RSU1: variants seen among roughly 807,000 people sequenced by gnomAD.
RSU1 encodes Ras suppressor protein 1.
Under a neutral mutation model 31.1 loss-of-function variants are expected in RSU1, and 26 were observed. That is an observed-to-expected ratio of 0.84 (90% CI 0.61 to 1.16). The LOEUF is 1.16. Among genes scored for constraint, RSU1 ranks in the 50% most tolerant of loss-of-function variants. RSU1 has a pLI of 0.00. For synonymous variants in RSU1, 164 were observed against 136.3 expected, an observed-to-expected ratio of 1.20 and a Z score of -1.41; for missense variants, 320 against 339.1, an observed-to-expected ratio of 0.94 and a Z score of 0.44.
At position 16,645,922 on chromosome 10, in the gene RSU1, GTATATACACATATGTGTATATATA is replaced by G. The variant is rs1834543204; in HGVS notation, c.731+49077_731+49100del. 6.9e-4 allele frequency among the ~76,000 whole-genome samples: 12 copies of G among 17,308 alleles called. 5 individuals are homozygous for G. The South Asian group carries it at 0.01, about 15-fold the overall frequency. 11.4% of individuals were successfully genotyped at this position (17,308 alleles called of 152,430 possible). On this transcript the variant is annotated intron_variant, in intron 8 of 8. Coordinates refer to ENST00000345264, the MANE Select transcript of RSU1 (RefSeq NM_012425.4). ...TATACACATATATGTATATATATGT[GTATATACACATATGTGTATATATA>G]TGTGTATATACATATATGTGTATAT...
At chr10:16,668,891 C>T (rs1409745104) in intron 8 of RSU1, among the ~76,000 whole-genome samples, 1 of 152,162 alleles carries the variant, frequency 6.6e-6, no homozygotes, top group African/African-American at 2.4e-5. Flanking sequence ...CCTCAGAAAG[C>T]CTGTTGTGTA....
At chr10:16,792,554 G>A (rs548773499) in intron 2 of RSU1, among the ~76,000 whole-genome samples, 3 of 152,156 alleles carry the variant, frequency 2.0e-5, no homozygotes, top group Admixed American at 2.0e-4. Flanking sequence ...ACCTCTTGTG[G>A]TTTCAAATGT....
At chr10:16,594,683 CTGTATATTATA>C (rs1303555760) in intron 8 of RSU1, among the ~76,000 whole-genome samples, 1 of 141,768 alleles carries the variant, frequency 7.1e-6, no homozygotes, top group Non-Finnish European at 1.5e-5. Flanking sequence ...CATATATTAT[CTGTATATTATA>C]TGTATCATAG....
chr10:16,817,226 T>C (rs1474746394), intron 1 of RSU1, 89 bp downstream of exon 1: 1 of 637,284 alleles, frequency 1.6e-6, no homozygotes, highest in African/African-American at 1.8e-5. Flanking sequence ...CTGGTCCGGG[T>C]GCGGGGAGGG....
chr10:16,618,014 A>G (rs1257071698), intron 8 of RSU1, among the ~76,000 whole-genome samples: 1 of 152,266 alleles, frequency 6.6e-6, no homozygotes, highest in African/African-American at 2.4e-5. Flanking sequence ...GCTTCTGCAC[A>G]GCAAAAGAAA....
chr10:16,640,668 T>C (rs779312443), intron 8 of RSU1, among the ~76,000 whole-genome samples: 6 of 152,252 alleles, frequency 3.9e-5, no homozygotes, highest in Non-Finnish European at 5.9e-5. Flanking sequence ...TGCTTTTCTC[T>C]GCTGGGAATG....
At position 16,652,867 on chromosome 10, in the gene RSU1, TG is replaced by T. The variant is rs745901840; in HGVS notation, c.731+42155del. ...GGCTACATTTTTTTTTTTAAAGAGATGGGGTCTCGCTCTGTTGCCCAGGCTG... is the reference window on the plus strand; with the variant it reads ...GGCTACATTTTTTTTTTTAAAGAGATGGGTCTCGCTCTGTTGCCCAGGCTG... On this transcript the variant is annotated intron_variant, in intron 8 of 8. Coordinates refer to ENST00000345264, the MANE Select transcript of RSU1 (RefSeq NM_012425.4). 1.9e-3 allele frequency among the ~76,000 whole-genome samples: 291 copies of T among 151,474 alleles called. 1 individual carries two copies. The highest frequency in any genetic ancestry group is 3.4e-3 in the Middle Eastern group (1 of 292).
intron 5 of RSU1, among the ~76,000 whole-genome samples, 200 bp from the exon 6 acceptor site, chr10:16,753,200 A>C (rs1475976162): frequency 2.0e-5 from 3 of 152,210 alleles, no homozygotes; most frequent in African/African-American, 2.4e-5. Flanking sequence ...CCAGGAAAAC[A>C]TCTATATCCA....
intron 2 of RSU1, among the ~76,000 whole-genome samples, chr10:16,815,992 G>A (rs1269735821): frequency 6.6e-6 from 1 of 152,186 alleles, no homozygotes; most frequent in East Asian, 1.9e-4. Flanking sequence ...ATTCAGAAAG[G>A]CCTTGTACAT....
intron 7 of RSU1, among the ~76,000 whole-genome samples, chr10:16,715,774 G>C (rs1836127219): frequency 6.6e-6 from 1 of 152,144 alleles, no homozygotes; most frequent in Admixed American, 6.5e-5. Flanking sequence ...AGGTTGTTTT[G>C]ACTACTTGAG....
chr10:16,593,183 A>G lies in RSU1; in HGVS notation c.*211T>C. ...TTCCCTGCTTTTGGTAATGTTAAAG[A>G]AACAAATGGAAATGGTTTAAAGACC... On this transcript the variant is annotated 3_prime_UTR_variant, in exon 9 of 9. Coordinates refer to ENST00000345264, the MANE Select transcript of RSU1 (RefSeq NM_012425.4). The G allele has an allele frequency of 3.4e-6, 3 of 889,984 alleles. No individual in the cohort carries two copies. The highest frequency in any genetic ancestry group is 4.6e-6 in the Non-Finnish European group (3 of 646,728). 55.1% of individuals were successfully genotyped at this position (889,984 alleles called of 1,614,324 possible).
Position 16,764,341 on chromosome 10 carries a change from C to T in RSU1, c.281+49G>A, listed in dbSNP as rs370090210. The T allele has an allele frequency of 5.8e-6, 9 of 1,538,884 alleles. No homozygotes were observed. In the Admixed American group the frequency reaches 1.3e-4, roughly 23 times the overall value. On this transcript the variant is annotated intron_variant, in intron 4 of 8. Coordinates refer to ENST00000345264, the MANE Select transcript of RSU1 (RefSeq NM_012425.4). ...CCCTCCCCTGGCCTTACCCGGCATG[C>T]CCCTTCCACTCTCTTCCTCTCCATC...
At chr10:16,753,108 A>G (rs1227091538) in intron 5 of RSU1, 108 bp from the exon 6 acceptor site, 4 of 797,312 alleles carry the variant, frequency 5.0e-6, no homozygotes, top group Non-Finnish European at 8.3e-6. Flanking sequence ...GCTTGGTGAA[A>G]AGCCTTTGAC....
intron 8 of RSU1, among the ~76,000 whole-genome samples, chr10:16,676,397 C>T (rs1436108826): frequency 6.6e-6 from 1 of 152,124 alleles, no homozygotes; most frequent in African/African-American, 2.4e-5. Context: ...ACCATCAGAT[C>T]TCATGAGACT....
At chr10:16,769,429 G>C (rs879412757) in intron 3 of RSU1, among the ~76,000 whole-genome samples, 1 of 152,258 alleles carries the variant, frequency 6.6e-6, no homozygotes, top group African/African-American at 2.4e-5. Context: ...GTGGTGACCA[G>C]TGGCTCCACT....
At chr10:16,807,449 T>TA (rs1838297500) in intron 2 of RSU1, among the ~76,000 whole-genome samples, 1 of 152,212 alleles carries the variant, frequency 6.6e-6, no homozygotes, top group African/African-American at 2.4e-5. Context: ...CCATACTTTG[T>TA]AGTGTTTTAA....
At position 16,654,096 on chromosome 10, in the gene RSU1, G is replaced by C. The variant is rs180926650; in HGVS notation, c.731+40927C>G. 5.7e-3 allele frequency among the ~76,000 whole-genome samples: 868 copies of C among 151,674 alleles called. 7 individuals carry two copies. The highest frequency in any genetic ancestry group is 9.8e-3 in the Non-Finnish European group (667 of 67,922). On this transcript the variant is annotated intron_variant, in intron 8 of 8. Transcript: ENST00000345264. ...TGGCTCACTGCAACCTCTGCCTCCC[G>C]GGCTCAAGCGATTCTCTTGCTTTAG...
chr10:16,699,537 T>C (rs1172234470), intron 7 of RSU1, among the ~76,000 whole-genome samples: 1 of 152,218 alleles, frequency 6.6e-6, no homozygotes, highest in African/African-American at 2.4e-5. Context: ...CCGCTGTCAG[T>C]CAGCCTGCAA....
chr10:16,782,231 A>C, intron 2 of RSU1, 147 bp from the exon 3 acceptor site: 1 of 628,994 alleles, frequency 1.6e-6, no homozygotes, highest in South Asian at 2.0e-5. Flanking sequence ...GGATTCATGT[A>C]ACACGATCTA....
Sources: gnomAD v4.1 joint callset for allele counts (sites outside exome capture counted in the v4.1 genomes callset) on GRCh38, gnomAD v4.1.1 for gene constraint, MANE v1.5 for transcripts, NCBI Gene and HGNC (gene_info 2026-07-23, HGNC 2026-07-21) for gene names.